Variants in PI4KB observed in about 807,000 individuals in gnomAD.
PI4KB encodes PtdIns 4-kinase beta.
In PI4KB, 23 loss-of-function variants were observed where a neutral mutation model predicts 81.4. The observed-to-expected ratio is 0.28, with a 90% CI of 0.20 to 0.40. The LOEUF (loss-of-function observed/expected upper bound fraction) is 0.40. PI4KB is among the 10% of genes least tolerant of loss of function. The pLI, the probability that PI4KB is intolerant of heterozygous loss-of-function variation, is 1.00. For synonymous variants in PI4KB, 381 were observed against 406.8 expected, an observed-to-expected ratio of 0.94 and a Z score of 0.76; for missense variants, 651 against 1,036.6, an observed-to-expected ratio of 0.63 and a Z score of 5.11.
intron 2 of PI4KB, among the ~76,000 whole-genome samples, chr1:151,313,186 T>C (rs1647379812): frequency 6.6e-6 from 1 of 152,206 alleles, no homozygotes; most frequent in African/African-American, 2.4e-5. Context: ...GCTCTCCCAT[T>C]TTCTGTGGAG....
intron 2 of PI4KB, among the ~76,000 whole-genome samples, chr1:151,312,362 G>A (rs1647255804): frequency 6.6e-6 from 1 of 152,088 alleles, no homozygotes; most frequent in South Asian, 2.1e-4. Context: ...AGAGTGTTAG[G>A]GTCTACCTAG....
chr1:151,298,263 C>T (rs912027814), intron 9 of PI4KB, among the ~76,000 whole-genome samples: 1 of 152,200 alleles, frequency 6.6e-6, no homozygotes, highest in Non-Finnish European at 1.5e-5. Flanking sequence ...AGTGCCAGGC[C>T]CTATTATCTC....
At chr1:151,294,636 G>A in intron 9 of PI4KB, 95 bp from the exon 10 acceptor site, 4 of 1,199,040 alleles carry the variant, frequency 3.3e-6, no homozygotes, top group Non-Finnish European at 4.9e-6. Context: ...TGACACCAGG[G>A]AGGGGGGTCC....
At chr1:151,318,055 C>A (rs1276384116) in intron 1 of PI4KB, among the ~76,000 whole-genome samples, 2 of 152,174 alleles carry the variant, frequency 1.3e-5, no homozygotes, top group Non-Finnish European at 2.9e-5. Flanking sequence ...TCAAGCAATT[C>A]TCCTGCCTCA....
rs924404876 is a variant in PI4KB, at chr1:151,292,709, C to T, written c.*143G>A. ...CCTCAGCAAGCTCTCGCAGTTACCA[C>T]ATGATCCTTCGTGTTTCTTGCCTTC... is the stretch of plus-strand genomic sequence containing the variant. On this transcript the variant is annotated 3_prime_UTR_variant, in exon 12 of 12. Coordinates refer to ENST00000368873, the MANE Select transcript of PI4KB (RefSeq NM_001369623.2). 4 of 762,016 alleles carry T rather than the reference C, an allele frequency of 5.2e-6. No individual in the cohort carries two copies. In the African/African-American group the frequency reaches 7.0e-5, roughly 13 times the overall value. The allele number at this position is 762,016 out of a possible 1,614,324, so 47.2% of individuals were successfully genotyped here. A position where few individuals can be genotyped will look rare whatever the true frequency, so the allele number is the denominator to read the frequency against.
chr1:151,321,600 A>T (rs970156714), intron 1 of PI4KB, among the ~76,000 whole-genome samples: 1 of 151,680 alleles, frequency 6.6e-6, no homozygotes, highest in Non-Finnish European at 1.5e-5. Flanking sequence ...TGGGCAGGGC[A>T]TGGTGGCTCA....
chr1:151,327,152 C>T (rs1649740978), intron 1 of PI4KB, 119 bp downstream of exon 1: 3 of 393,692 alleles, frequency 7.6e-6, no homozygotes, highest in Non-Finnish European at 1.3e-5. Flanking sequence ...CAGCTGACAC[C>T]AAGAGGGCAG....
At chr1:151,298,764 A>G (rs1695010961) in intron 9 of PI4KB, 44 bp downstream of exon 9, 2 of 1,592,638 alleles carry the variant, frequency 1.3e-6, no homozygotes, top group East Asian at 2.2e-5. Context: ...AGGGACAGAG[A>G]GAACCCTGGA....
At chr1:151,308,380 C>G (rs1378128696) in intron 3 of PI4KB, among the ~76,000 whole-genome samples, 1 of 152,188 alleles carries the variant, frequency 6.6e-6, no homozygotes, top group East Asian at 1.9e-4. Flanking sequence ...CAATCTCTTA[C>G]CAGGCGTCAA....
At chr1:151,301,629 C>T (rs1695291655) in intron 8 of PI4KB, among the ~76,000 whole-genome samples, 1 of 152,194 alleles carries the variant, frequency 6.6e-6, no homozygotes, top group Admixed American at 6.5e-5. Flanking sequence ...GATCTCCTGA[C>T]CTCGTGATCC....
intron 9 of PI4KB, 138 bp downstream of exon 9, chr1:151,298,670 T>C (rs1197735454): frequency 6.4e-6 from 6 of 940,464 alleles, no homozygotes. Context: ...TGGGAACACA[T>C]CTGTCTCTGC....
At chr1:151,297,730 G>T (rs1694931721) in intron 9 of PI4KB, among the ~76,000 whole-genome samples, 1 of 151,952 alleles carries the variant, frequency 6.6e-6, no homozygotes, top group Admixed American at 6.6e-5. Context: ...GTAGAGATGG[G>T]GTTTCACCAT....
At chr1:151,294,630 A>G in intron 9 of PI4KB, 89 bp from the exon 10 acceptor site, 1 of 1,273,028 alleles carries the variant, frequency 7.9e-7, no homozygotes, top group Non-Finnish European at 1.1e-6. Context: ...GCCACATGAC[A>G]CCAGGGAGGG....
intron 1 of PI4KB, among the ~76,000 whole-genome samples, chr1:151,321,487 C>T (rs913102997): frequency 2.6e-5 from 4 of 152,072 alleles, no homozygotes; most frequent in South Asian, 4.1e-4. Context: ...CAGGTTCAAG[C>T]GATTCTCCTG....
chr1:151,295,313 C>T (rs989512601), intron 9 of PI4KB, among the ~76,000 whole-genome samples: 1 of 152,200 alleles, frequency 6.6e-6, no homozygotes, highest in Admixed American at 6.5e-5. Context: ...GTCTGAGGGC[C>T]ACCTTCTCTG....
Position 151,302,308 on chromosome 1 carries a change from A to G in PI4KB, c.1521-10T>C. On this transcript the variant is annotated splice_polypyrimidine_tract_variant and intron_variant, in intron 6 of 11. Transcript: ENST00000368873. Reference sequence around the variant, plus strand: ...TTCCGAAAGGCGCCGGCTGGCAGGAAGAAAATACATCATTTGCTTGGAGAA... The same window carrying G: ...TTCCGAAAGGCGCCGGCTGGCAGGAGGAAAATACATCATTTGCTTGGAGAA... 1 of 1,603,052 alleles carries G rather than the reference A, an allele frequency of 6.2e-7. No homozygotes were observed. Among genetic ancestry groups the G allele is most frequent in the South Asian group, 1.1e-5 (1 of 90,856 alleles).
intron 1 of PI4KB, among the ~76,000 whole-genome samples, chr1:151,317,491 A>G (rs982495574): frequency 8.6e-5 from 13 of 150,712 alleles, no homozygotes; most frequent in African/African-American, 3.2e-4. Flanking sequence ...TAATTTTTTA[A>G]ATTTTTCTGT....
intron 1 of PI4KB, among the ~76,000 whole-genome samples, chr1:151,317,368 G>C (rs1648122996): frequency 6.6e-6 from 1 of 151,846 alleles, no homozygotes; most frequent in South Asian, 2.1e-4. Context: ...CCAGGCTGGA[G>C]TGCAGTGGCG....
intron 9 of PI4KB, among the ~76,000 whole-genome samples, chr1:151,296,466 C>T (rs1694802903): frequency 6.6e-6 from 1 of 150,770 alleles, no homozygotes; most frequent in Non-Finnish European, 1.5e-5. Flanking sequence ...TTAATAGATG[C>T]TAGATTTCTT....
Sources: allele counts gnomAD v4.1 joint callset (sites outside exome capture counted in the v4.1 genomes callset), GRCh38; gene constraint gnomAD v4.1.1; transcripts MANE v1.5; gene names NCBI Gene and HGNC (gene_info 2026-07-23, HGNC 2026-07-21).